The following THSD4 variants were observed in gnomAD, a reference collection of about 807,000 sequenced individuals.
THSD4 encodes thrombospondin type-1 domain-containing protein 4.
A neutral mutation model predicts 119.0 loss-of-function variants in THSD4; 69 were observed. The observed-to-expected ratio is 0.58, with a 90% CI of 0.48 to 0.71. The LOEUF is 0.71. THSD4 is among the 30% of genes least tolerant of loss of function. The probability of loss-of-function intolerance (pLI) is 0.00; values close to 1 mark genes in which losing one functional copy is unlikely to be tolerated. For synonymous variants in THSD4, 524 were observed against 540.4 expected (o/e 0.97, Z 0.42); for missense variants, 1,393 against 1,391.1 (o/e 1.00, Z -0.02).
At chr15:71,350,731 G>A (rs1465684225) in intron 6 of THSD4, among the ~76,000 whole-genome samples, 1 of 152,098 alleles carries the variant, frequency 6.6e-6, no homozygotes. Context: ...GAGGGGAGGT[G>A]AGCTGAGGCC....
At chr15:71,381,614 G>A (rs1024389322) in intron 6 of THSD4, among the ~76,000 whole-genome samples, 2 of 152,112 alleles carry the variant, frequency 1.3e-5, no homozygotes, top group East Asian at 1.9e-4. Flanking sequence ...TTGGATTATC[G>A]ATAGTTGACT....
At chr15:71,582,164 T>G (rs1159677126) in intron 7 of THSD4, among the ~76,000 whole-genome samples, 1 of 152,102 alleles carries the variant, frequency 6.6e-6, no homozygotes, top group African/African-American at 2.4e-5. Flanking sequence ...TCTTCTTCAC[T>G]GTCTTTCTTC....
intron 6 of THSD4, among the ~76,000 whole-genome samples, chr15:71,314,508 T>C (rs2140353639): frequency 6.6e-6 from 1 of 152,250 alleles, no homozygotes; most frequent in South Asian, 2.1e-4. Flanking sequence ...GGTTTCACCA[T>C]GTTGGCCAGG....
chr15:71,634,760 G>T (rs2050706317), intron 7 of THSD4, among the ~76,000 whole-genome samples: 2 of 152,226 alleles, frequency 1.3e-5, no homozygotes, highest in Non-Finnish European at 2.9e-5. Context: ...GTGGCAGCAA[G>T]TTCAAAGAGA....
intron 6 of THSD4, among the ~76,000 whole-genome samples, chr15:71,304,324 C>G (rs1298056659): frequency 6.6e-6 from 1 of 151,862 alleles, no homozygotes; most frequent in East Asian, 2.0e-4. Flanking sequence ...GTCTTGTGCT[C>G]CTTTCAGAGG....
At chr15:71,368,831 G>A (rs555707178) in intron 6 of THSD4, among the ~76,000 whole-genome samples, 13 of 152,276 alleles carry the variant, frequency 8.5e-5, no homozygotes, top group Non-Finnish European at 1.5e-4. Context: ...GAAAGTCATT[G>A]GTAGCTTGAT....
chr15:71,214,097 A>AGAGGATTGT (rs1162911694), intron 3 of THSD4, among the ~76,000 whole-genome samples: 30 of 144,746 alleles, frequency 2.1e-4, no homozygotes, highest in African/African-American at 7.5e-4. Flanking sequence ...ACTCTGTAAA[A>AGAGGATTGT]ACACACCAAT....
At chr15:71,236,477 G>A (rs1277514157) in intron 4 of THSD4, among the ~76,000 whole-genome samples, 6 of 152,222 alleles carry the variant, frequency 3.9e-5, no homozygotes, top group African/African-American at 1.4e-4. Context: ...CACAATAGAT[G>A]AGACTTCTGT....
chr15:71,658,230 C>A (rs766795072), intron 7 of THSD4, among the ~76,000 whole-genome samples: 27 of 152,202 alleles, frequency 1.8e-4, no homozygotes, highest in Admixed American at 5.2e-4. Context: ...ATCTGGCAAA[C>A]AAGATTCTTG....
At chr15:71,374,633 G>T (rs1221563110) in intron 6 of THSD4, among the ~76,000 whole-genome samples, 1 of 152,162 alleles carries the variant, frequency 6.6e-6, no homozygotes, top group South Asian at 2.1e-4. Context: ...CTGCATTGAG[G>T]AATGAATCTT....
At chr15:71,704,515 A>G (rs949359801) in intron 8 of THSD4, among the ~76,000 whole-genome samples, 1 of 152,206 alleles carries the variant, frequency 6.6e-6, no homozygotes, top group Non-Finnish European at 1.5e-5. Flanking sequence ...TTCCACCATG[A>G]TGGTGACACC....
intron 4 of THSD4, among the ~76,000 whole-genome samples, chr15:71,236,028 CG>C (rs2044102415): frequency 6.6e-6 from 1 of 152,166 alleles, no homozygotes; most frequent in Non-Finnish European, 1.5e-5. Context: ...GTGGGGTTCT[CG>C]GGCTCCACTC....
At chr15:71,213,680 G>A (rs1385855729) in intron 3 of THSD4, among the ~76,000 whole-genome samples, 2 of 152,202 alleles carry the variant, frequency 1.3e-5, no homozygotes, top group African/African-American at 4.8e-5. Flanking sequence ...GGCACAGTAG[G>A]TCTCTGAAAT....
intron 8 of THSD4, among the ~76,000 whole-genome samples, chr15:71,661,401 AT>A (rs397797003): frequency 0.015 from 2,175 of 148,948 alleles, 50 homozygotes; most frequent in African/African-American, 0.049. Flanking sequence ...TTATTTATTT[AT>A]TTTTTTTTTT....
chr15:71,552,859 C>G (rs187381857), intron 7 of THSD4, among the ~76,000 whole-genome samples: 1 of 152,288 alleles, frequency 6.6e-6, no homozygotes, highest in Admixed American at 6.5e-5. Flanking sequence ...GTCTCCAACT[C>G]CTGACCTCAA....
chr15:71,595,504 C>T (rs1229119839), intron 7 of THSD4, among the ~76,000 whole-genome samples: 1 of 152,160 alleles, frequency 6.6e-6, no homozygotes, highest in Non-Finnish European at 1.5e-5. Context: ...ATTCGGAGGC[C>T]TACCCAGCCA....
At chr15:71,210,807 T>C (rs945744282) in intron 3 of THSD4, among the ~76,000 whole-genome samples, 24 of 152,220 alleles carry the variant, frequency 1.6e-4, no homozygotes, top group African/African-American at 5.5e-4. Flanking sequence ...GATATGAATC[T>C]ACCTCATCCT....
rs191616387 is a variant in THSD4 at position 71,156,407 on chromosome 15, G to A, written c.99+1475G>A. 3.9e-5 allele frequency among the ~76,000 whole-genome samples: 6 copies of A among 152,072 alleles called. No homozygotes were observed. In the South Asian group the frequency reaches 8.3e-4, roughly 21 times the overall value. On this transcript the variant is annotated intron_variant, in intron 3 of 17. Coordinates refer to ENST00000261862, the MANE Select transcript of THSD4 (RefSeq NM_024817.3). ...CAAGTAGCTGAGATTACAGGCCTGC[G>A]CCACCACACCCAGCTGATTTTTTTT...
intron 1 of THSD4, among the ~76,000 whole-genome samples, chr15:71,128,889 C>T (rs985173422): frequency 5.9e-5 from 9 of 152,140 alleles, no homozygotes; most frequent in Admixed American, 1.3e-4. Flanking sequence ...CCTGGAAGTA[C>T]ACCCATCTGA....
Sources: allele counts gnomAD v4.1 joint callset (sites outside exome capture counted in the v4.1 genomes callset), GRCh38; gene constraint gnomAD v4.1.1; transcripts MANE v1.5; gene names NCBI Gene and HGNC (gene_info 2026-07-23, HGNC 2026-07-21).